The following MFNG variants were observed in gnomAD, a reference collection of about 807,000 sequenced individuals.
The protein encoded by MFNG is beta-1,3-N-acetylglucosaminyltransferase manic fringe.
MFNG carries 24 observed loss-of-function variants against 34.2 expected under a neutral mutation model. The observed-to-expected ratio is 0.70, with a 90% CI of 0.51 to 0.99. MFNG has a LOEUF of 0.99. Ranked by LOEUF, MFNG falls within the 50% of genes least tolerant of loss-of-function variation. The pLI is 0.00. For synonymous variants in MFNG, 158 were observed against 179.2 expected (o/e 0.88, Z 0.94); for missense variants, 383 against 424.0 (o/e 0.90, Z 0.85).
At chr22:37,484,096 T>C (rs1299009638) in intron 1 of MFNG, 1 of 152,170 alleles carries the variant, frequency 6.6e-6, no homozygotes, top group Non-Finnish European at 1.5e-5. Flanking sequence ...GTGGTGGGGC[T>C]GCTGCCACCT....
rs752646791 is a variant in MFNG at position 37,486,167 on chromosome 22, C to T, written c.11G>A (p.Arg4Gln). MQC[R>Q]LPRGLAGALL... ...GGCTCCAGCCAGGCCCCGCGGGAGCCGGCACTGCATTGGTTGGCCCTGGGA... is the reference window on the plus strand; with the variant it reads ...GGCTCCAGCCAGGCCCCGCGGGAGCTGGCACTGCATTGGTTGGCCCTGGGA... Residue 4 changes from arginine to glutamine, a missense_variant, in exon 1 of 8, where the codon CGG (arginine) becomes CAG (glutamine). By Grantham distance (43) the Arg-to-Gln change is conservative. Transcript: ENST00000356998. 54 of 1,576,874 alleles carry T rather than the reference C, an allele frequency of 3.4e-5. No homozygotes were observed. Among genetic ancestry groups the T allele is most frequent in the Admixed American group, 2.8e-4 (16 of 57,714 alleles).
In MFNG at chr22:37,482,429, TCACA is replaced by T. The variant is rs148548781; in HGVS notation, c.256-1664_256-1661del. Among the ~76,000 whole-genome samples the T allele has an allele frequency of 6.6e-6, 1 of 151,238 alleles. No homozygotes were observed. Among genetic ancestry groups the T allele is most frequent in the Non-Finnish European group, 1.5e-5 (1 of 67,756 alleles). On this transcript the variant is annotated intron_variant, in intron 1 of 7. Transcript: ENST00000356998. The surrounding 1 kb of genome is among the most constrained non-coding windows in gnomAD (Gnocchi z 4.1). ...GGGCTTCTCTCTCTGTCTCTCTCTC[TCACA>T]CACACACACGCACACACACGCACGC...
intron 4 of MFNG, 74 bp from the exon 5 acceptor site, chr22:37,477,055 C>G: frequency 7.8e-7 from 1 of 1,277,474 alleles, no homozygotes; most frequent in East Asian, 2.3e-5. Flanking sequence ...CCAGGCCACC[C>G]TTCACCCCCA....
At chr22:37,473,720 G>T (rs558479769) in intron 6 of MFNG, among the ~76,000 whole-genome samples, 4 of 152,348 alleles carry the variant, frequency 2.6e-5, no homozygotes, top group Non-Finnish European at 4.4e-5. Flanking sequence ...CTCCGATAGT[G>T]GGGGGAAAGC....
intron 6 of MFNG, among the ~76,000 whole-genome samples, chr22:37,472,935 T>C (rs984248401): frequency 6.6e-6 from 1 of 152,052 alleles, no homozygotes. Context: ...AGTGACGACA[T>C]GGATCATGAT....
intron 6 of MFNG, among the ~76,000 whole-genome samples, chr22:37,473,724 G>A (rs1006939770): frequency 2.0e-5 from 3 of 152,238 alleles, no homozygotes; most frequent in Non-Finnish European, 4.4e-5. Context: ...GATAGTGGGG[G>A]GAAAGCTGGG....
Position 37,474,588 on chromosome 22 carries a change from C to G in MFNG, c.737G>C (p.Arg246Pro). ...GTGAAAGAGGGGGCTGGGCTGCAGG[C>G]GGCCGCCCAGCTTGCACTCAATGAT... ...GYIIECKLGG[R>P]LQPSPLFHSH... The change falls in exon 6 of 8, where the codon CGC becomes CCC. Residue 246 changes from arginine to proline, a missense_variant. Physicochemically the swap from Arg to Pro is moderately radical, Grantham distance 103. Coordinates refer to ENST00000356998, the MANE Select transcript of MFNG (RefSeq NM_002405.4). 1.2e-6 allele frequency: 2 copies of G among 1,614,134 alleles called. No individual in the cohort carries two copies. The highest frequency in any genetic ancestry group is 1.7e-6 in the Non-Finnish European group (2 of 1,179,980).
intron 6 of MFNG, among the ~76,000 whole-genome samples, chr22:37,474,302 G>A (rs923305198): frequency 1.3e-5 from 2 of 152,208 alleles, no homozygotes; most frequent in African/African-American, 4.8e-5. Context: ...GCTAATCCTT[G>A]AGGGTTAGAG....
At chr22:37,478,499 C>T (rs761709231) in intron 4 of MFNG, among the ~76,000 whole-genome samples, 15 of 152,118 alleles carry the variant, frequency 9.9e-5, no homozygotes, top group Non-Finnish European at 2.1e-4. Flanking sequence ...AAATCAGTGT[C>T]CATCCAGGTC....
rs1294633243 is a variant in MFNG, at chr22:37,486,379, C to A, written c.-202G>T. 2 of 472,772 alleles carry A rather than the reference C, an allele frequency of 4.2e-6. No homozygotes were observed. The highest frequency in any genetic ancestry group is 4.3e-5 in the Admixed American group (1 of 23,422). 29.3% of individuals were successfully genotyped at this position (472,772 alleles called of 1,614,324 possible). A position where few individuals can be genotyped will look rare whatever the true frequency, so the allele number is the denominator to read the frequency against. ...GATCTCGACCGCCGCCAGTCCTCCACCTGCTCCCGCTGTCCGGCCTGCCGC... is the reference window on the plus strand; with the variant it reads ...GATCTCGACCGCCGCCAGTCCTCCAACTGCTCCCGCTGTCCGGCCTGCCGC... On this transcript the variant is annotated 5_prime_UTR_variant, in exon 1 of 8. Transcript: ENST00000356998.
Position 37,486,263 on chromosome 22 carries a change from G to A in MFNG, c.-86C>T. ...AGCTGGTCAGGCAGGGGCTCCAGCA[G>A]AGGCAAAAGTCTGGCAGGCATCAGG... On this transcript the variant is annotated 5_prime_UTR_variant, in exon 1 of 8. Coordinates refer to ENST00000356998, the MANE Select transcript of MFNG (RefSeq NM_002405.4). 1 of 1,395,988 alleles carries A rather than the reference G, an allele frequency of 7.2e-7. No individual in the cohort carries two copies. The highest frequency in any genetic ancestry group is 1.5e-5 in the South Asian group (1 of 65,644). 86.5% of individuals were successfully genotyped at this position (1,395,988 alleles called of 1,614,324 possible).
intron 4 of MFNG, among the ~76,000 whole-genome samples, chr22:37,478,284 G>A (rs967165807): frequency 3.2e-4 from 48 of 152,270 alleles, no homozygotes; most frequent in Non-Finnish European, 2.8e-4. Flanking sequence ...GGGACCTCCC[G>A]ATCTGCCTTC....
chr22:37,476,931 A>C lies in MFNG; in HGVS notation c.612T>G (p.Asn204Lys). ...FATGGAGFCI[N>K]RKLALKMAPW... ...GAGCCATCTTCAAAGCCAGTTTGCG[A>C]TTGATGCAGAAGCCAGCACCCCCAG... The change falls in exon 5 of 8, where the codon AAT (asparagine) becomes AAG (lysine). Residue 204 changes from asparagine (N) to lysine (K), a missense_variant. Asn to Lys is a moderately conservative substitution (Grantham distance 94). Coordinates refer to ENST00000356998, the MANE Select transcript of MFNG (RefSeq NM_002405.4). The C allele has an allele frequency of 6.2e-7, 1 of 1,611,198 alleles. No homozygotes were observed. Among genetic ancestry groups the C allele is most frequent in the Non-Finnish European group, 8.5e-7 (1 of 1,178,682 alleles).
intron 1 of MFNG, among the ~76,000 whole-genome samples, chr22:37,484,009 C>T (rs544937140): frequency 2.0e-5 from 3 of 152,214 alleles, no homozygotes; most frequent in African/African-American, 7.2e-5. Flanking sequence ...CACAGGCAGC[C>T]GCGGGAAACA....
At chr22:37,480,897 T>C (rs1248232938) in intron 1 of MFNG, 128 bp from the exon 2 acceptor site, 5 of 765,006 alleles carry the variant, frequency 6.5e-6, no homozygotes, top group Admixed American at 2.3e-5. Flanking sequence ...ACCCCTCTCA[T>C]GGTCACACGC....
chr22:37,474,281 G>C (rs1455835440), intron 6 of MFNG, among the ~76,000 whole-genome samples: 2 of 152,192 alleles, frequency 1.3e-5, no homozygotes, highest in African/African-American at 2.4e-5. Context: ...AAGAATTTCA[G>C]CTTCACAAAT....
In MFNG at chr22:37,482,376, TG is replaced by T. The variant is rs1369901210; in HGVS notation, c.256-1608del. Among the ~76,000 whole-genome samples the T allele has an allele frequency of 3.3e-5, 5 of 152,164 alleles. No homozygotes were observed. The highest frequency in any genetic ancestry group is 6.5e-5 in the Admixed American group (1 of 15,282). ...CCTGGCCACCCTGCCTGATGTAGTC[TG>T]ATCTCATTACTTCCTGTCCACCCCT... On this transcript the variant is annotated intron_variant, in intron 1 of 7. Transcript: ENST00000356998. The surrounding 1 kb of genome is among the most constrained non-coding windows in gnomAD (Gnocchi z 4.1).
At chr22:37,480,699 C>T (rs1922255126) in intron 2 of MFNG, 22 bp downstream of exon 2, 2 of 1,612,040 alleles carry the variant, frequency 1.2e-6, no homozygotes, top group African/African-American at 2.7e-5. Flanking sequence ...TCCCCCACCA[C>T]ACCCAGGCCG....
chr22:37,472,410 C>A (rs749632785), intron 7 of MFNG, 33 bp downstream of exon 7: 1 of 1,515,326 alleles, frequency 6.6e-7, no homozygotes. Context: ...AGCCCCCACT[C>A]CTCCCATCCA....
Sources: gnomAD v4.1 joint callset for allele counts (sites outside exome capture counted in the v4.1 genomes callset) on GRCh38, gnomAD v4.1.1 for gene constraint, Gnocchi (gnomAD v3.1) non-coding constraint, MANE v1.5 for transcripts, NCBI Gene and HGNC (gene_info 2026-07-23, HGNC 2026-07-21) for gene names.